The following VPS37A variants were observed in gnomAD, a reference collection of about 807,000 sequenced individuals.
VPS37A encodes the protein VPS37A subunit of ESCRT-I, also known as vacuolar protein sorting-associated protein 37A.
A neutral mutation model predicts 49.8 loss-of-function variants in VPS37A; 30 were observed. The ratio of observed to expected loss-of-function variants is 0.60; its 90% CI spans 0.45 to 0.82. VPS37A has a LOEUF of 0.82. Among genes scored for constraint, VPS37A ranks in the 40% least tolerant of loss-of-function variants. The pLI, the probability that VPS37A is intolerant of heterozygous loss-of-function variation, is 0.00. For synonymous variants in VPS37A, 195 were observed against 160.6 expected (o/e 1.21, Z -1.62); for missense variants, 593 against 464.4 (o/e 1.28, Z -2.55).
intron 11 of VPS37A, among the ~76,000 whole-genome samples, chr8:17,294,298 T>TC (rs1470698567): frequency 6.6e-6 from 1 of 151,882 alleles, no homozygotes; most frequent in Non-Finnish European, 1.5e-5. Flanking sequence ...TGGACGCCCC[T>TC]CCCCCCACCA....
chr8:17,332,788 T>C, the VPS37A span, among the ~76,000 whole-genome samples: 1 of 152,232 alleles, frequency 6.6e-6, no homozygotes, highest in African/African-American at 2.4e-5. Context: ...ATAATATTCA[T>C]ACAATCATCC....
At chr8:17,255,187 C>G (rs1157429542) in intron 1 of VPS37A, among the ~76,000 whole-genome samples, 1 of 152,136 alleles carries the variant, frequency 6.6e-6, no homozygotes, top group Non-Finnish European at 1.5e-5. Context: ...AAAATATAAA[C>G]TAAGTGGGCT....
intron 1 of VPS37A, among the ~76,000 whole-genome samples, chr8:17,258,089 C>G (rs1179135560): frequency 3.9e-5 from 6 of 152,032 alleles, no homozygotes; most frequent in African/African-American, 1.4e-4. Context: ...ATTGTGTCAT[C>G]CGCGAACAAG....
At chr8:17,264,857 C>A (rs1414520281) in intron 1 of VPS37A, among the ~76,000 whole-genome samples, 1 of 152,092 alleles carries the variant, frequency 6.6e-6, no homozygotes. Context: ...GTTAGAATTT[C>A]AAGTGAGCCC....
chr8:17,307,642 T>A, the VPS37A span, among the ~76,000 whole-genome samples: 2 of 152,136 alleles, frequency 1.3e-5, no homozygotes, highest in Non-Finnish European at 2.9e-5. Flanking sequence ...AACCTATATG[T>A]CCAACAACAA....
chr8:17,271,467 A>C lies in VPS37A; in HGVS notation c.416+2511A>C, dbSNP rs538660170. Among the ~76,000 whole-genome samples, 4 of 152,176 alleles carry C rather than the reference A, an allele frequency of 2.6e-5. No homozygotes were observed. The East Asian group carries it at 5.8e-4, about 22-fold the overall frequency. ...AAAAATACAAAAAAGTTAGCTGGGC[A>C]TGGTGGTGGGCACCTGTAGTCCCAG... On this transcript the variant is annotated intron_variant, in intron 4 of 11. Coordinates refer to ENST00000324849, the MANE Select transcript of VPS37A (RefSeq NM_152415.3).
chr8:17,293,744 A>G (rs1341387826), intron 11 of VPS37A, among the ~76,000 whole-genome samples: 2 of 152,000 alleles, frequency 1.3e-5, no homozygotes, highest in Admixed American at 6.6e-5. Flanking sequence ...CTGGGGGTCT[A>G]CTCCACATCC....
At chr8:17,299,869 G>A (rs751248856), downstream of VPS37A, 4 of 1,613,972 alleles carry the variant, frequency 2.5e-6, no homozygotes, top group Non-Finnish European at 2.5e-6. Context: ...ACTTCAGGCA[G>A]TGAGAAACAC....
chr8:17,279,726 C>A (rs1284294387), intron 6 of VPS37A: 1 of 469,218 alleles, frequency 2.1e-6, no homozygotes, highest in African/African-American at 2.0e-5. Flanking sequence ...TTTCAGGTCA[C>A]TGTATAACTG....
At chr8:17,313,300 T>A in the VPS37A span, 1 of 1,610,512 alleles carries the variant, frequency 6.2e-7, no homozygotes, top group Middle Eastern at 1.7e-4. Flanking sequence ...ACCTTTGCAA[T>A]GAAGATTCCT....
chr8:17,253,119 TA>T (rs1227790183), intron 1 of VPS37A, among the ~76,000 whole-genome samples: 2 of 151,994 alleles, frequency 1.3e-5, no homozygotes, highest in Non-Finnish European at 2.9e-5. Flanking sequence ...GTTACTGCTT[TA>T]AAAAAAAGTT....
At position 17,286,221 on chromosome 8, in the gene VPS37A, T is replaced by C. The variant is rs139371462; in HGVS notation, c.1114-126T>C. 622 of 691,418 alleles carry C rather than the reference T, an allele frequency of 9.0e-4. 3 individuals carry two copies. Among genetic ancestry groups the C allele is most frequent in the Non-Finnish European group, 1.4e-3 (572 of 413,866 alleles). 42.8% of individuals were successfully genotyped at this position (691,418 alleles called of 1,614,324 possible). A position where few individuals can be genotyped will look rare whatever the true frequency, so the allele number is the denominator to read the frequency against. ...TAATTTTAGCTATTAGATTATTAGCTATCTTCAACATTCAAAACATAAAAT... is the reference window on the plus strand; with the variant it reads ...TAATTTTAGCTATTAGATTATTAGCCATCTTCAACATTCAAAACATAAAAT... On this transcript the variant is annotated intron_variant, in intron 10 of 11. Coordinates refer to ENST00000324849, the MANE Select transcript of VPS37A (RefSeq NM_152415.3).
At chr8:17,286,010 C>T (rs1271424896) in intron 10 of VPS37A, among the ~76,000 whole-genome samples, 1 of 152,046 alleles carries the variant, frequency 6.6e-6, no homozygotes, top group Non-Finnish European at 1.5e-5. Context: ...GAATTGGTGT[C>T]ATGTGATCCT....
At chr8:17,328,403 C>G in the VPS37A span, among the ~76,000 whole-genome samples, 2,129 of 152,288 alleles carry the variant, frequency 0.014, 52 homozygotes, top group African/African-American at 0.049. Flanking sequence ...ATTCCAGGCT[C>G]TTCTACGGAC....
intron 1 of VPS37A, among the ~76,000 whole-genome samples, chr8:17,253,533 G>A (rs1166670974): frequency 6.6e-6 from 1 of 152,196 alleles, no homozygotes; most frequent in Non-Finnish European, 1.5e-5. Context: ...CAAAGGCTAT[G>A]GAGACTTTTG....
At chr8:17,260,899 C>T (rs1812905093) in intron 1 of VPS37A, among the ~76,000 whole-genome samples, 1 of 152,166 alleles carries the variant, frequency 6.6e-6, no homozygotes, top group South Asian at 2.1e-4. Flanking sequence ...TTAGGATCCT[C>T]TCTTTGTGCT....
intron 6 of VPS37A, chr8:17,279,690 C>A: frequency 2.4e-6 from 1 of 408,350 alleles, no homozygotes; most frequent in South Asian, 1.9e-5. Flanking sequence ...TGTTCTTTAC[C>A]TGAGTTAAGT....
rs1320881832 is a variant in VPS37A at position 17,296,878 on chromosome 8, C to A, written c.*1892C>A. On this transcript the variant is annotated 3_prime_UTR_variant, in exon 12 of 12. Coordinates refer to ENST00000324849, the MANE Select transcript of VPS37A (RefSeq NM_152415.3). ...CATTCATTGGATAACCTTGTTACAA[C>A]CCAGTCATGAAACAGAGCAGTGTGA... 1 of 152,126 alleles carries A rather than the reference C, an allele frequency of 6.6e-6. No individual in the cohort carries two copies. The highest frequency in any genetic ancestry group is 2.4e-5 in the African/African-American group (1 of 41,426). 9.4% of individuals were successfully genotyped at this position (152,126 alleles called of 1,614,324 possible).
the VPS37A span, among the ~76,000 whole-genome samples, chr8:17,325,316 C>G: frequency 6.6e-6 from 1 of 152,168 alleles, no homozygotes; most frequent in South Asian, 2.1e-4. Context: ...AAGTGCTCTG[C>G]CTCCAACCAT....
Sources: allele counts gnomAD v4.1 joint callset (sites outside exome capture counted in the v4.1 genomes callset), GRCh38; gene constraint gnomAD v4.1.1; transcripts MANE v1.5; gene names NCBI Gene and HGNC (gene_info 2026-07-23, HGNC 2026-07-21).